The following CPZ variants were observed in gnomAD, a reference collection of about 807,000 sequenced individuals.
The protein encoded by CPZ is carboxypeptidase Z.
A neutral mutation model predicts 61.8 loss-of-function variants in CPZ; 103 were observed. The observed-to-expected ratio is 1.67, with a 90% CI of 1.42 to 1.96. The LOEUF (loss-of-function observed/expected upper bound fraction) is 1.96. Among genes scored for constraint, CPZ ranks in the 30% most tolerant of loss-of-function variants. CPZ has a pLI of 0.00. For missense variants in CPZ, 1,461 were observed against 914.9 expected, an observed-to-expected ratio of 1.60 and a Z score of -7.70; for synonymous variants, 551 against 373.7, an observed-to-expected ratio of 1.47 and a Z score of -5.47.
intron 1 of CPZ, among the ~76,000 whole-genome samples, chr4:8,598,066 G>A (rs764408498): frequency 7.2e-5 from 11 of 152,224 alleles, no homozygotes; most frequent in African/African-American, 1.2e-4. Context: ...CCCCAGGGCC[G>A]CCCGCACACG....
intron 6 of CPZ, 25 bp downstream of exon 6, chr4:8,606,923 G>C (rs538977936): frequency 6.4e-7 from 1 of 1,571,822 alleles, no homozygotes; most frequent in African/African-American, 1.4e-5. Flanking sequence ...TGCCCATGCT[G>C]GTCTCCACCA....
In CPZ at chr4:8,607,268, T is replaced by C; in HGVS notation, c.1070T>C (p.Val357Ala). 6.2e-7 allele frequency: 1 copy of C among 1,613,952 alleles called. No individual in the cohort carries two copies. Among genetic ancestry groups the C allele is most frequent in the South Asian group, 1.1e-5 (1 of 91,068 alleles). Reference sequence around the variant, plus strand: ...GGCGGCCTCGTCTGTCCTGGGCAGGTGGCCCCGGAGACAAAGGCAATCATG... The same window carrying C: ...GGCGGCCTCGTCTGTCCTGGGCAGGCGGCCCCGGAGACAAAGGCAATCATG... ...PIPQHYWWGK[V>A]APETKAIMKW... The change falls in exon 7 of 11, where the codon GTG (valine) becomes GCG (alanine). Residue 357 changes from valine (V) to alanine (A), a missense_variant and splice_region_variant. Coordinates refer to ENST00000360986, the MANE Select transcript of CPZ (RefSeq NM_001014447.3).
chr4:8,600,816 C>G (rs1714520722), intron 2 of CPZ: 3 of 633,584 alleles, frequency 4.7e-6, no homozygotes, highest in Non-Finnish European at 6.5e-6. Context: ...GCAGCATCAG[C>G]TGGCTGCCTT....
At position 8,606,093 on chromosome 4, in the gene CPZ, G is replaced by C. The variant is rs202018268; in HGVS notation, c.814G>C (p.Gly272Arg). Residue 272 changes from glycine to arginine, a missense_variant, in exon 5 of 11, where the codon GGT (glycine) becomes CGT (arginine). By Grantham distance (125) the Gly-to-Arg change is moderately radical (BLOSUM62 -2). Transcript: ENST00000360986. ...AQYLCSEYLL[G>R]NPRIQRLLNT... ...GTACCTGTGCTCTGAGTACCTGCTTGGTAACCCCCGCATCCAGCGCCTGCT... is the reference window on the plus strand; with the variant it reads ...GTACCTGTGCTCTGAGTACCTGCTTCGTAACCCCCGCATCCAGCGCCTGCT... 2 of 1,614,160 alleles carry C rather than the reference G, an allele frequency of 1.2e-6. No homozygotes were observed. The highest frequency in any genetic ancestry group is 2.2e-5 in the South Asian group (2 of 91,082).
chr4:8,616,584 G>C (rs575593245), intron 9 of CPZ, among the ~76,000 whole-genome samples: 2 of 152,258 alleles, frequency 1.3e-5, no homozygotes, highest in African/African-American at 2.4e-5. Flanking sequence ...AGGAGTGTGA[G>C]CTGTGTTTTG....
intron 1 of CPZ, among the ~76,000 whole-genome samples, chr4:8,594,203 G>A (rs1420659378): frequency 6.6e-6 from 1 of 152,184 alleles, no homozygotes. Context: ...TCATCCCCCA[G>A]TCCAGTCTCC....
chr4:8,607,268 T>A lies in CPZ; in HGVS notation c.1070T>A (p.Val357Glu). 1.2e-6 allele frequency: 2 copies of A among 1,613,952 alleles called. No individual in the cohort carries two copies. Among genetic ancestry groups the A allele is most frequent in the Non-Finnish European group, 1.7e-6 (2 of 1,179,912 alleles). ...GGCGGCCTCGTCTGTCCTGGGCAGGTGGCCCCGGAGACAAAGGCAATCATG... is the reference window on the plus strand; with the variant it reads ...GGCGGCCTCGTCTGTCCTGGGCAGGAGGCCCCGGAGACAAAGGCAATCATG... Reference protein sequence around the residue: ...PIPQHYWWGKVAPETKAIMKW... With the variant: ...PIPQHYWWGKEAPETKAIMKW... Residue 357 changes from valine to glutamate, a missense_variant and splice_region_variant, in exon 7 of 11, where the codon GTG becomes GAG. Physicochemically the swap from Val to Glu is moderately radical, Grantham distance 121 (BLOSUM62 -2). Transcript: ENST00000360986.
rs1037984123 is a variant in CPZ, at chr4:8,594,984, G to A, written c.88+2063G>A. Among the ~76,000 whole-genome samples the A allele has an allele frequency of 3.3e-5, 5 of 152,142 alleles. No individual in the cohort carries two copies. The South Asian group carries it at 1.0e-3, about 32-fold the overall frequency. ...AGACAGGGTTTCACCGTGTTGGCCAGGATGGTCTTGATCTCCTGACCCCGT... is the reference window on the plus strand; with the variant it reads ...AGACAGGGTTTCACCGTGTTGGCCAAGATGGTCTTGATCTCCTGACCCCGT... On this transcript the variant is annotated intron_variant, in intron 1 of 10. Coordinates refer to ENST00000360986, the MANE Select transcript of CPZ (RefSeq NM_001014447.3).
At chr4:8,601,722 C>T (rs1418486948) in intron 3 of CPZ, among the ~76,000 whole-genome samples, 1 of 152,176 alleles carries the variant, frequency 6.6e-6, no homozygotes, top group Non-Finnish European at 1.5e-5. Flanking sequence ...CCCAGGGCCC[C>T]CTAGCAGAAG....
At chr4:8,598,692 G>A (rs1241697164) in intron 1 of CPZ, among the ~76,000 whole-genome samples, 3 of 152,234 alleles carry the variant, frequency 2.0e-5, no homozygotes, top group Non-Finnish European at 4.4e-5. Context: ...ATGCGTTCTC[G>A]CTGCCTGATG....
chr4:8,594,898 G>A (rs574245135), intron 1 of CPZ, among the ~76,000 whole-genome samples: 4 of 151,828 alleles, frequency 2.6e-5, no homozygotes, highest in East Asian at 3.9e-4. Flanking sequence ...TCAGCCTCCC[G>A]AGTAGCTGGG....
Position 8,603,902 on chromosome 4 carries a change from T to C in CPZ, c.497-74T>C, listed in dbSNP as rs560564009. On this transcript the variant is annotated intron_variant, in intron 3 of 10. Transcript: ENST00000360986. Reference sequence around the variant, plus strand: ...CAGAGGGGACTAAGGGTGCTGTGTGTGGTCAGCGTTCCCAGGCAGTGGTAG... The same window carrying C: ...CAGAGGGGACTAAGGGTGCTGTGTGCGGTCAGCGTTCCCAGGCAGTGGTAG... The C allele has an allele frequency of 5.2e-5, 67 of 1,285,268 alleles. No homozygotes were observed. The African/African-American group carries it at 9.6e-4, about 18-fold the overall frequency. 79.6% of individuals were successfully genotyped at this position (1,285,268 alleles called of 1,614,324 possible).
intron 4 of CPZ, among the ~76,000 whole-genome samples, chr4:8,605,634 T>TCCACCCATCCATCCACCC (rs1553876826): frequency 6.7e-5 from 10 of 148,682 alleles, no homozygotes; most frequent in African/African-American, 1.5e-4. Context: ...ATCATTGATA[T>TCCACCCATCCATCCACCC]ATCCATTCAT....
At chr4:8,617,365 C>G (rs975741623) in intron 9 of CPZ, among the ~76,000 whole-genome samples, 5 of 152,212 alleles carry the variant, frequency 3.3e-5, no homozygotes, top group Non-Finnish European at 7.3e-5. Flanking sequence ...ACCAGCCCCT[C>G]TCGGGCTAAT....
intron 5 of CPZ, 78 bp downstream of exon 5, chr4:8,606,263 C>T: frequency 7.3e-7 from 1 of 1,374,504 alleles, no homozygotes; most frequent in Non-Finnish European, 9.9e-7. Flanking sequence ...AGTAGTTTAT[C>T]CCAGCAGTGC....
Position 8,598,674 on chromosome 4 carries a change from C to T in CPZ, c.89-779C>T, listed in dbSNP as rs186125092. ...GTTTTAAATCTGATGCCGGGTTCCC[C>T]GCCTTGGATGCGTTCTCGCTGCCTG... On this transcript the variant is annotated intron_variant, in intron 1 of 10. Transcript: ENST00000360986. Among the ~76,000 whole-genome samples, 6 of 152,356 alleles carry T rather than the reference C, an allele frequency of 3.9e-5. No individual in the cohort carries two copies. In the East Asian group the frequency reaches 9.7e-4, roughly 25 times the overall value.
intron 9 of CPZ, among the ~76,000 whole-genome samples, chr4:8,617,295 A>C: frequency 6.6e-6 from 1 of 152,308 alleles, no homozygotes; most frequent in African/African-American, 2.4e-5. Context: ...ACCCAGAAGC[A>C]AAGGTTTGTC....
chr4:8,592,899 C>A lies in CPZ; in HGVS notation c.66C>A (p.Cys22Ter), dbSNP rs964255904. The A allele has an allele frequency of 2.6e-5, 40 of 1,534,538 alleles. No individual in the cohort carries two copies. The highest frequency in any genetic ancestry group is 3.2e-5 in the Non-Finnish European group (37 of 1,144,136). ...TCGTCGCCGCTGCCCGGCCGGGGTGCGAGTTTGAGCGGAACCCCGCCGGTA... is the reference window on the plus strand; with the variant it reads ...TCGTCGCCGCTGCCCGGCCGGGGTGAGAGTTTGAGCGGAACCCCGCCGGTA... Reference protein sequence around the residue: ...VLVVAAARPGCEFERNPAGEC... With the variant: ...VLVVAAARPG The change falls in exon 1 of 11, where the codon TGC becomes TGA. Residue 22 changes from cysteine to a stop codon, truncating the protein, a stop_gained. Transcript: ENST00000360986. LOFTEE classifies it high-confidence loss of function.
chr4:8,606,306 A>G, intron 5 of CPZ, 121 bp downstream of exon 5: 1 of 1,012,646 alleles, frequency 9.9e-7, no homozygotes, highest in Non-Finnish European at 1.4e-6. Flanking sequence ...AGGAGCATTC[A>G]GCAGGTGTCG....
Sources: gnomAD v4.1 joint callset for allele counts (sites outside exome capture counted in the v4.1 genomes callset) on GRCh38, gnomAD v4.1.1 for gene constraint, MANE v1.5 for transcripts, NCBI Gene and HGNC (gene_info 2026-07-23, HGNC 2026-07-21) for gene names.